SGCG: variants seen among roughly 807,000 people sequenced by gnomAD.
SGCG encodes sarcoglycan gamma.
SGCG carries 26 observed loss-of-function variants against 29.3 expected under a neutral mutation model. The observed-to-expected ratio is 0.89, with a 90% CI of 0.65 to 1.23. SGCG has a LOEUF of 1.23. SGCG is among the 50% of genes most tolerant of loss of function. SGCG has a pLI of 0.00. For synonymous variants in SGCG, 145 were observed against 129.7 expected (o/e 1.12, Z -0.80); for missense variants, 353 against 356.0 (o/e 0.99, Z 0.07).
At chr13:23,222,682 C>A (rs1878717576) in intron 2 of SGCG, among the ~76,000 whole-genome samples, 1 of 151,774 alleles carries the variant, frequency 6.6e-6, no homozygotes. Flanking sequence ...AAAAAATTAG[C>A]CAGGCGTAGA....
chr13:23,310,232 G>A (rs529041541), intron 6 of SGCG, among the ~76,000 whole-genome samples: 144 of 151,562 alleles, frequency 9.5e-4, no homozygotes, highest in Non-Finnish European at 1.7e-3. Context: ...GACTACAGGC[G>A]CCCGCCACCA....
intron 4 of SGCG, among the ~76,000 whole-genome samples, chr13:23,274,919 A>ATAATTTGATTCAC (rs1881011523): frequency 1.3e-5 from 2 of 151,990 alleles, no homozygotes; most frequent in Admixed American, 1.3e-4. Context: ...TACATGTATA[A>ATAATTTGATTCAC]TAATTTGATT....
At chr13:23,186,942 C>T (rs1484959780) in intron 1 of SGCG, among the ~76,000 whole-genome samples, 1 of 152,172 alleles carries the variant, frequency 6.6e-6, no homozygotes, top group Non-Finnish European at 1.5e-5. Flanking sequence ...TGTTAGTTCC[C>T]CTCAAGATGA....
intron 5 of SGCG, among the ~76,000 whole-genome samples, chr13:23,287,775 G>T (rs1379555733): frequency 6.6e-6 from 1 of 151,386 alleles, no homozygotes; most frequent in Non-Finnish European, 1.5e-5. Context: ...GTTTTGTTTT[G>T]AGACAGCGTC....
At chr13:23,175,837 G>A in the SGCG span, among the ~76,000 whole-genome samples, 1 of 151,996 alleles carries the variant, frequency 6.6e-6, no homozygotes, top group Middle Eastern at 3.2e-3. Context: ...AATTATATTA[G>A]TTAAAATGTG....
chr13:23,316,421 C>T (rs1361320858), intron 6 of SGCG, among the ~76,000 whole-genome samples: 3 of 152,196 alleles, frequency 2.0e-5, no homozygotes, highest in Non-Finnish European at 2.9e-5. Context: ...GGCTCATGCT[C>T]ATGGAATTCA....
intron 5 of SGCG, 35 bp downstream of exon 5, chr13:23,279,513 T>C: frequency 6.2e-7 from 1 of 1,603,178 alleles, no homozygotes; most frequent in South Asian, 1.1e-5. Flanking sequence ...CAACATTCCA[T>C]GGAGTACACA....
At chr13:23,246,541 C>G (rs1879717377) in intron 3 of SGCG, 1 of 154,356 alleles carries the variant, frequency 6.5e-6, no homozygotes, top group Admixed American at 6.5e-5. Flanking sequence ...GCTGTGGGAG[C>G]ATCCGTTGAA....
chr13:23,296,864 A>G (rs1263986047), intron 6 of SGCG, among the ~76,000 whole-genome samples: 1 of 152,130 alleles, frequency 6.6e-6, no homozygotes, highest in African/African-American at 2.4e-5. Context: ...TGTCATTTAC[A>G]CCTATAACTA....
chr13:23,292,953 A>G (rs1257827730), intron 5 of SGCG, among the ~76,000 whole-genome samples: 1 of 152,244 alleles, frequency 6.6e-6, no homozygotes, highest in African/African-American at 2.4e-5. Flanking sequence ...CAAGGAGGAA[A>G]GAAAAGGATA....
intron 5 of SGCG, among the ~76,000 whole-genome samples, chr13:23,287,239 G>A (rs1288751888): frequency 6.6e-6 from 1 of 152,198 alleles, no homozygotes; most frequent in East Asian, 1.9e-4. Flanking sequence ...GGTAGTAGAG[G>A]GGGAAGTCAG....
rs1218299078 is a variant in SGCG, at chr13:23,310,826, A to G, written c.579-9811A>G. On this transcript the variant is annotated intron_variant, in intron 6 of 7. Coordinates refer to ENST00000218867, the MANE Select transcript of SGCG (RefSeq NM_000231.3). ...ATTAATACTTGTCAACCAAGTCTAC[A>G]TCAATACCACCTTCTTCCCAAATAA... Among the ~76,000 whole-genome samples, 3 of 152,300 alleles carry G rather than the reference A, an allele frequency of 2.0e-5. No homozygotes were observed. In the East Asian group the frequency reaches 5.8e-4, roughly 29 times the overall value.
chr13:23,175,760 GA>G, the SGCG span, among the ~76,000 whole-genome samples: 5 of 151,748 alleles, frequency 3.3e-5, no homozygotes, highest in African/African-American at 7.3e-5. Context: ...AAGGTACCAT[GA>G]AAAAAATACA....
chr13:23,178,691 T>C (rs1310786002), upstream of SGCG, among the ~76,000 whole-genome samples: 1 of 152,186 alleles, frequency 6.6e-6, no homozygotes, highest in Non-Finnish European at 1.5e-5. Flanking sequence ...ATTCCCCTAT[T>C]TCCACATTCT....
chr13:23,224,862 A>G (rs540014099), intron 2 of SGCG, among the ~76,000 whole-genome samples: 5 of 152,118 alleles, frequency 3.3e-5, no homozygotes, highest in African/African-American at 1.2e-4. Flanking sequence ...TTTCATCTCA[A>G]CCTCCGAGAG....
intron 2 of SGCG, among the ~76,000 whole-genome samples, chr13:23,231,084 A>G (rs928564151): frequency 3.9e-5 from 6 of 152,222 alleles, no homozygotes; most frequent in African/African-American, 1.4e-4. Context: ...GTAATGAATC[A>G]TATTTATTGA....
chr13:23,282,392 T>G (rs1449777498), intron 5 of SGCG, among the ~76,000 whole-genome samples: 1 of 152,174 alleles, frequency 6.6e-6, no homozygotes, highest in Non-Finnish European at 1.5e-5. Context: ...ATAGGTAACT[T>G]GTGTCATGGG....
intron 1 of SGCG, among the ~76,000 whole-genome samples, chr13:23,187,005 G>C (rs1346078765): frequency 4.6e-5 from 7 of 152,180 alleles, no homozygotes; most frequent in Non-Finnish European, 8.8e-5. Flanking sequence ...GGATGCTGCT[G>C]TATCCAGGTT....
intron 4 of SGCG, among the ~76,000 whole-genome samples, chr13:23,266,953 C>T (rs888003788): frequency 1.3e-5 from 2 of 152,120 alleles, no homozygotes; most frequent in African/African-American, 2.4e-5. Flanking sequence ...AATGAACTAA[C>T]ACAAATTCCA....
Sources: allele counts gnomAD v4.1 joint callset (sites outside exome capture counted in the v4.1 genomes callset), GRCh38; gene constraint gnomAD v4.1.1; transcripts MANE v1.5; gene names NCBI Gene and HGNC (gene_info 2026-07-23, HGNC 2026-07-21).